The following ST18 variants were observed in gnomAD, a reference collection of about 807,000 sequenced individuals.
The protein encoded by ST18 is ST18 C2H2C-type zinc finger transcription factor.
Under a neutral mutation model 110.0 loss-of-function variants are expected in ST18, and 50 were observed. The ratio of observed to expected loss-of-function variants is 0.45; its 90% CI spans 0.36 to 0.58. ST18 has a LOEUF of 0.58. Ranked by LOEUF, ST18 falls within the 20% of genes least tolerant of loss-of-function variation. The pLI, the probability that ST18 is intolerant of heterozygous loss-of-function variation, is 0.00. For missense variants in ST18, 1,306 were observed against 1,280.1 expected, an observed-to-expected ratio of 1.02 and a Z score of -0.31; for synonymous variants, 461 against 452.4, an observed-to-expected ratio of 1.02 and a Z score of -0.24.
intron 2 of ST18, among the ~76,000 whole-genome samples, chr8:52,313,970 G>C (rs940849846): frequency 6.6e-6 from 1 of 152,160 alleles, no homozygotes; most frequent in Non-Finnish European, 1.5e-5. Flanking sequence ...ATTTGGCCAC[G>C]GGAGTGCGGT....
intron 2 of ST18, among the ~76,000 whole-genome samples, chr8:52,361,382 T>C (rs1233855192): frequency 6.6e-6 from 1 of 152,110 alleles, no homozygotes; most frequent in Non-Finnish European, 1.5e-5. Flanking sequence ...AAAGTATTAG[T>C]GAAATCAGCA....
chr8:52,271,916 C>T (rs930894164), intron 2 of ST18, among the ~76,000 whole-genome samples: 5 of 152,132 alleles, frequency 3.3e-5, no homozygotes, highest in South Asian at 2.1e-4. Context: ...GCCATCAAAT[C>T]GAAGAGAGAG....
intron 2 of ST18, among the ~76,000 whole-genome samples, chr8:52,314,994 T>C (rs530387653): frequency 6.6e-6 from 1 of 152,280 alleles, no homozygotes; most frequent in East Asian, 1.9e-4. Context: ...CCACTGGAGA[T>C]GGTGTGGCTT....
In ST18 at chr8:52,309,696, T is replaced by C. The variant is rs940492334; in HGVS notation, c.-464-79619A>G. ...CAAAAATATAAAATAAGTAGGAAAG[T>C]AGTACCCAAATAGCAAACATGTAGG... On this transcript the variant is annotated intron_variant, in intron 2 of 25. Coordinates refer to ENST00000689386, the MANE Select transcript of ST18 (RefSeq NM_001352837.2). Among the ~76,000 whole-genome samples, 10 of 151,824 alleles carry C rather than the reference T, an allele frequency of 6.6e-5. No homozygotes were observed. In the South Asian group the frequency reaches 1.7e-3, roughly 25 times the overall value.
chr8:52,112,711 C>T lies in ST18; in HGVS notation c.*487G>A, dbSNP rs1336721596. The T allele has an allele frequency of 6.5e-6, 1 of 152,834 alleles. No homozygotes were observed. Among genetic ancestry groups the T allele is most frequent in the Non-Finnish European group, 1.5e-5 (1 of 68,260 alleles). 9.5% of individuals were successfully genotyped at this position (152,834 alleles called of 1,614,324 possible). A position where few individuals can be genotyped will look rare whatever the true frequency, so the allele number is the denominator to read the frequency against. Reference sequence around the variant, plus strand: ...ACTCAACTATAGTGCAGTCCTTAGACAAGGATTTCCTTCACCCTTTCCTGT... The same window carrying T: ...ACTCAACTATAGTGCAGTCCTTAGATAAGGATTTCCTTCACCCTTTCCTGT... On this transcript the variant is annotated 3_prime_UTR_variant, in exon 26 of 26. Transcript: ENST00000689386.
At chr8:52,152,699 T>C (rs1392245199) in intron 15 of ST18, among the ~76,000 whole-genome samples, 1 of 152,260 alleles carries the variant, frequency 6.6e-6, no homozygotes, top group African/African-American at 2.4e-5. Flanking sequence ...TTTATGCATA[T>C]AGATTTTTAG....
intron 2 of ST18, among the ~76,000 whole-genome samples, chr8:52,402,434 G>A (rs1843079827): frequency 1.3e-5 from 2 of 152,128 alleles, no homozygotes; most frequent in African/African-American, 4.8e-5. Context: ...GCATTTCCCA[G>A]TAGCTTGGGC....
chr8:52,274,948 T>C (rs941300173), intron 2 of ST18, among the ~76,000 whole-genome samples: 1 of 152,200 alleles, frequency 6.6e-6, no homozygotes, highest in Non-Finnish European at 1.5e-5. Flanking sequence ...ATACAGAACA[T>C]TGTTTATATT....
At chr8:52,294,222 G>C (rs553995096) in intron 2 of ST18, among the ~76,000 whole-genome samples, 1 of 152,338 alleles carries the variant, frequency 6.6e-6, no homozygotes, top group South Asian at 2.1e-4. Context: ...AATTTGCCCT[G>C]AATAAGATGG....
At chr8:52,227,379 G>C (rs547753043) in intron 3 of ST18, among the ~76,000 whole-genome samples, 1 of 152,254 alleles carries the variant, frequency 6.6e-6, no homozygotes, top group South Asian at 2.1e-4. Flanking sequence ...TATTATTACA[G>C]AGGGAGGCAA....
chr8:52,202,282 CAG>C (rs77112966), intron 8 of ST18, among the ~76,000 whole-genome samples: 19,138 of 152,098 alleles, frequency 0.13, 1,226 homozygotes, highest in Non-Finnish European at 0.14. Flanking sequence ...TCAAAACAAA[CAG>C]GGGTAGATAA....
intron 19 of ST18, among the ~76,000 whole-genome samples, chr8:52,135,048 A>G (rs1163566917): frequency 1.3e-5 from 2 of 152,214 alleles, no homozygotes; most frequent in African/African-American, 4.8e-5. Flanking sequence ...TTTTTCTAGA[A>G]GCAAGTTTTA....
At chr8:52,167,048 G>T in intron 10 of ST18, 62 bp from the exon 11 acceptor site, 1 of 1,550,456 alleles carries the variant, frequency 6.4e-7, no homozygotes, top group South Asian at 1.2e-5. Flanking sequence ...CCATTCAATA[G>T]AATGGCCTTG....
chr8:52,142,194 C>T (rs2055397632), intron 17 of ST18, among the ~76,000 whole-genome samples: 1 of 152,068 alleles, frequency 6.6e-6, no homozygotes, highest in South Asian at 2.1e-4. Flanking sequence ...AACTGCATCA[C>T]ACAGTAGCAA....
intron 2 of ST18, among the ~76,000 whole-genome samples, chr8:52,317,843 T>C (rs1564482081): frequency 6.6e-6 from 1 of 152,240 alleles, no homozygotes; most frequent in Non-Finnish European, 1.5e-5. Flanking sequence ...ACTTTTCTCA[T>C]GGTAAAATTT....
At chr8:52,130,258 T>C (rs1483908102) in intron 22 of ST18, among the ~76,000 whole-genome samples, 1 of 152,232 alleles carries the variant, frequency 6.6e-6, no homozygotes, top group African/African-American at 2.4e-5. Context: ...ACATAATATG[T>C]AAACAGGAAC....
At chr8:52,248,739 T>C (rs1425287420) in intron 2 of ST18, among the ~76,000 whole-genome samples, 1 of 152,210 alleles carries the variant, frequency 6.6e-6, no homozygotes, top group Non-Finnish European at 1.5e-5. Context: ...CCACTAATCC[T>C]ATTCAATATT....
At chr8:52,131,787 T>G (rs724112) in intron 22 of ST18, among the ~76,000 whole-genome samples, 171 bp downstream of exon 22, 34,290 of 152,094 alleles carry the variant, frequency 0.23, 4,820 homozygotes, top group African/African-American at 0.4. Flanking sequence ...GAGAATAACA[T>G]TTTTCATTCT....
intron 10 of ST18, among the ~76,000 whole-genome samples, chr8:52,171,169 C>A (rs1392160300): frequency 6.6e-6 from 1 of 152,184 alleles, no homozygotes; most frequent in East Asian, 1.9e-4. Flanking sequence ...TCATCTGGTG[C>A]AAGACTCCGG....
Sources: allele counts gnomAD v4.1 joint callset (sites outside exome capture counted in the v4.1 genomes callset), GRCh38; gene constraint gnomAD v4.1.1; transcripts MANE v1.5; gene names NCBI Gene and HGNC (gene_info 2026-07-23, HGNC 2026-07-21).